The following OSCP1 variants were observed in gnomAD, a reference collection of about 807,000 sequenced individuals.
OSCP1 encodes protein OSCP1.
OSCP1 carries 35 observed loss-of-function variants against 45.1 expected under a neutral mutation model. The ratio of observed to expected loss-of-function variants is 0.78; its 90% CI spans 0.59 to 1.03. OSCP1 has a LOEUF of 1.03. Among genes scored for constraint, OSCP1 ranks in the 50% least tolerant of loss-of-function variants. The pLI, the probability that OSCP1 is intolerant of heterozygous loss-of-function variation, is 0.00. For synonymous variants in OSCP1, 179 were observed against 180.1 expected (o/e 0.99, Z 0.05); for missense variants, 400 against 470.7 (o/e 0.85, Z 1.39).
At chr1:36,419,953 C>T (rs1247895510) in intron 8 of OSCP1, among the ~76,000 whole-genome samples, 1 of 151,504 alleles carries the variant, frequency 6.6e-6, no homozygotes, top group Admixed American at 6.6e-5. Context: ...GCTGGGACTA[C>T]AGGTGCGCAC....
At chr1:36,428,126 G>T (rs1378757835) in intron 4 of OSCP1, 1 of 386,720 alleles carries the variant, frequency 2.6e-6, no homozygotes, top group Non-Finnish European at 3.5e-6. Context: ...GGAGGTGGAG[G>T]TTGCAGTGAG....
chr1:36,425,902 G>T (rs974499070), intron 4 of OSCP1, among the ~76,000 whole-genome samples: 1 of 152,164 alleles, frequency 6.6e-6, no homozygotes, highest in Non-Finnish European at 1.5e-5. Flanking sequence ...GAAGCTTGCT[G>T]AGGAGAATGA....
rs1468389064 is a variant in OSCP1 at position 36,426,990 on chromosome 1, G to A, written c.517-3524C>T. Among the ~76,000 whole-genome samples, 10 of 149,734 alleles carry A rather than the reference G, an allele frequency of 6.7e-5. 1 individual carries two copies. In the South Asian group the frequency reaches 2.1e-3, roughly 32 times the overall value. Reference sequence around the variant, plus strand: ...CAAAGTGCTGGGATTACAGGTGTGTGCCATGGTGCCTGGCCTCTTTTTTTT... The same window carrying A: ...CAAAGTGCTGGGATTACAGGTGTGTACCATGGTGCCTGGCCTCTTTTTTTT... On this transcript the variant is annotated intron_variant, in intron 4 of 9. Transcript: ENST00000235532.
At chr1:36,448,972 A>C (rs917937098) in intron 1 of OSCP1, among the ~76,000 whole-genome samples, 14 of 152,342 alleles carry the variant, frequency 9.2e-5, no homozygotes, top group African/African-American at 3.1e-4. Context: ...GGCAATGTGC[A>C]GAATGAATGG....
At chr1:36,442,141 T>C (rs1375543764) in intron 1 of OSCP1, among the ~76,000 whole-genome samples, 1 of 151,476 alleles carries the variant, frequency 6.6e-6, no homozygotes, top group Non-Finnish European at 1.5e-5. Context: ...GCAGGAGAAT[T>C]GCTTGAACCT....
intron 4 of OSCP1, among the ~76,000 whole-genome samples, chr1:36,423,701 T>C (rs1016411514): frequency 6.6e-6 from 1 of 151,726 alleles, no homozygotes; most frequent in Non-Finnish European, 1.5e-5. Flanking sequence ...GGTGAAACCC[T>C]GTCTCTACTA....
chr1:36,444,245 G>T (rs547701752), intron 1 of OSCP1, among the ~76,000 whole-genome samples: 195 of 152,336 alleles, frequency 1.3e-3, no homozygotes, highest in Middle Eastern at 3.4e-3. Flanking sequence ...CTCAAGAAAG[G>T]CTATGTCTTA....
chr1:36,422,660 T>G, intron 6 of OSCP1, 108 bp downstream of exon 6: 2 of 1,179,292 alleles, frequency 1.7e-6, no homozygotes, highest in Non-Finnish European at 2.3e-6. Flanking sequence ...ATTACTCCTA[T>G]TGTCGGCAGG....
At chr1:36,433,393 T>G (rs1648505895) in intron 2 of OSCP1, among the ~76,000 whole-genome samples, 1 of 150,612 alleles carries the variant, frequency 6.6e-6, no homozygotes, top group Non-Finnish European at 1.5e-5. Flanking sequence ...AAGAGGAGAA[T>G]GGCCTGAGGA....
At chr1:36,446,821 A>T (rs1649566474) in intron 1 of OSCP1, among the ~76,000 whole-genome samples, 1 of 152,248 alleles carries the variant, frequency 6.6e-6, no homozygotes, top group Non-Finnish European at 1.5e-5. Context: ...GAGGAATGTA[A>T]GCAAAAGATA....
At chr1:36,426,211 G>A (rs905053767) in intron 4 of OSCP1, among the ~76,000 whole-genome samples, 1 of 152,236 alleles carries the variant, frequency 6.6e-6, no homozygotes, top group African/African-American at 2.4e-5. Flanking sequence ...TTAATCTTAT[G>A]AGGTTGACTA....
intron 1 of OSCP1, among the ~76,000 whole-genome samples, 166 bp downstream of exon 1, chr1:36,450,092 G>T (rs1350963724): frequency 6.6e-6 from 1 of 151,854 alleles, no homozygotes; most frequent in African/African-American, 2.4e-5. Flanking sequence ...CTTTTGGGGG[G>T]ATTTGACTCC....
intron 4 of OSCP1, among the ~76,000 whole-genome samples, chr1:36,425,673 C>T (rs1217293947): frequency 1.3e-5 from 2 of 149,794 alleles, no homozygotes; most frequent in Non-Finnish European, 2.9e-5. Context: ...GTGGAGGTTG[C>T]ATTGAGCTGA....
rs935360370 is a variant in OSCP1 at position 36,418,107 on chromosome 1, C to T, written c.*32G>A. On this transcript the variant is annotated 3_prime_UTR_variant, in exon 10 of 10. Transcript: ENST00000235532. ...CAGGGGTCACCATCCAGCAGCCTCT[C>T]CCTGGGGGCAGAGGACGCCTGGTCA... 3 of 1,586,536 alleles carry T rather than the reference C, an allele frequency of 1.9e-6. No individual in the cohort carries two copies. Among genetic ancestry groups the T allele is most frequent in the African/African-American group, 1.3e-5 (1 of 74,398 alleles).
intron 3 of OSCP1, 145 bp downstream of exon 3, chr1:36,432,277 C>T (rs1051503331): frequency 5.1e-6 from 5 of 975,712 alleles, no homozygotes; most frequent in African/African-American, 3.3e-5. Context: ...AAAATGGACA[C>T]GGATTGCTTT....
At chr1:36,429,812 ATTT>A (rs34228845) in intron 4 of OSCP1, among the ~76,000 whole-genome samples, 3 of 139,478 alleles carry the variant, frequency 2.2e-5, no homozygotes, top group Non-Finnish European at 1.5e-5. Flanking sequence ...CAGTAGCATG[ATTT>A]TTTTTTTTTT....
At chr1:36,446,347 G>T (rs905544217) in intron 1 of OSCP1, among the ~76,000 whole-genome samples, 1 of 152,202 alleles carries the variant, frequency 6.6e-6, no homozygotes, top group Non-Finnish European at 1.5e-5. Context: ...TTAACTGGTG[G>T]TATAGTGTGA....
In OSCP1 at chr1:36,431,856, C is replaced by T; in HGVS notation, c.462G>A (p.Glu154=). 6.2e-7 allele frequency: 1 copy of T among 1,613,454 alleles called. No homozygotes were observed. Residue 154 remains glutamate, a synonymous_variant, in exon 4 of 10, where the codon GAG becomes GAA. Transcript: ENST00000235532. The part of the protein sequence containing the change: ...TEIYGGLSAG[E]FQLIRQTLLI... Reference sequence around the variant, plus strand: ...GGAGTGTCTGCCGGATCAGCTGGAACTCCCCTGCAGAGAGACCACCATATA... The same window carrying T: ...GGAGTGTCTGCCGGATCAGCTGGAATTCCCCTGCAGAGAGACCACCATATA...
intron 4 of OSCP1, chr1:36,428,276 A>T (rs1284426655): frequency 6.4e-7 from 1 of 1,563,052 alleles, no homozygotes; most frequent in Non-Finnish European, 8.7e-7. Context: ...AGGGAAATAC[A>T]ATAAGGCACT....
Sources: allele counts gnomAD v4.1 joint callset (sites outside exome capture counted in the v4.1 genomes callset), GRCh38; gene constraint gnomAD v4.1.1; transcripts MANE v1.5; gene names NCBI Gene and HGNC (gene_info 2026-07-23, HGNC 2026-07-21).